SPIDR: variants seen among roughly 807,000 people sequenced by gnomAD.
The protein encoded by SPIDR is scaffold protein involved in DNA repair, also known as DNA repair-scaffolding protein.
Under a neutral mutation model 104.6 loss-of-function variants are expected in SPIDR, and 93 were observed. That is an observed-to-expected ratio of 0.89 (90% CI 0.75 to 1.06). SPIDR has a LOEUF of 1.06. Ranked by LOEUF, SPIDR falls within the 50% of genes least tolerant of loss-of-function variation. SPIDR has a pLI of 0.00. For missense variants in SPIDR, 1,154 were observed against 1,111.2 expected (o/e 1.04, Z -0.55); for synonymous variants, 431 against 416.9 (o/e 1.03, Z -0.41).
intron 8 of SPIDR, among the ~76,000 whole-genome samples, chr8:47,580,817 A>T (rs1042901812): frequency 1.3e-5 from 2 of 152,188 alleles, no homozygotes; most frequent in Non-Finnish European, 2.9e-5. Flanking sequence ...TTTAGTAAAC[A>T]TCTGTTGAGA....
chr8:47,457,370 AT>A (rs1392028060), intron 8 of SPIDR, among the ~76,000 whole-genome samples: 2 of 151,930 alleles, frequency 1.3e-5, no homozygotes, highest in Non-Finnish European at 2.9e-5. Context: ...GATGTTGAGC[AT>A]TTTTTCATAT....
chr8:47,300,724 G>A (rs1431069443), intron 5 of SPIDR, among the ~76,000 whole-genome samples: 1 of 152,210 alleles, frequency 6.6e-6, no homozygotes, highest in East Asian at 1.9e-4. Context: ...TCATTCAGGA[G>A]CAGATTGTCC....
intron 7 of SPIDR, among the ~76,000 whole-genome samples, chr8:47,410,366 A>C (rs1410671960): frequency 6.6e-6 from 1 of 151,680 alleles, no homozygotes; most frequent in Admixed American, 6.6e-5. Flanking sequence ...TTTTTAGTTG[A>C]GATGGGGTTT....
intron 10 of SPIDR, among the ~76,000 whole-genome samples, chr8:47,642,288 C>T (rs1435829511): frequency 1.3e-5 from 2 of 151,782 alleles, no homozygotes; most frequent in Non-Finnish European, 2.9e-5. Context: ...TGGTGGTGGG[C>T]GCCTGTAGTC....
chr8:47,584,220 C>T (rs1021193561), intron 8 of SPIDR, among the ~76,000 whole-genome samples: 4 of 152,160 alleles, frequency 2.6e-5, no homozygotes, highest in African/African-American at 9.7e-5. Context: ...TTCAGATTCC[C>T]TAATTCAGAA....
At chr8:47,597,885 A>T (rs1313991048) in intron 9 of SPIDR, among the ~76,000 whole-genome samples, 1 of 152,272 alleles carries the variant, frequency 6.6e-6, no homozygotes, top group South Asian at 2.1e-4. Context: ...TGGCCTCAAG[A>T]TCTCTGGGTT....
At chr8:47,626,629 A>G (rs1008034372) in intron 10 of SPIDR, among the ~76,000 whole-genome samples, 1 of 152,248 alleles carries the variant, frequency 6.6e-6, no homozygotes, top group Non-Finnish European at 1.5e-5. Flanking sequence ...CAGAAAACAC[A>G]TGAAAAAATG....
intron 10 of SPIDR, among the ~76,000 whole-genome samples, chr8:47,602,110 T>C (rs2062373132): frequency 6.6e-6 from 1 of 152,244 alleles, no homozygotes; most frequent in South Asian, 2.1e-4. Flanking sequence ...TTTATACATG[T>C]ACATGTAGCA....
At chr8:47,633,883 C>T (rs1246797406) in intron 10 of SPIDR, among the ~76,000 whole-genome samples, 3 of 151,696 alleles carry the variant, frequency 2.0e-5, no homozygotes, top group East Asian at 2.0e-4. Context: ...TGCTTGAGCC[C>T]GGGGTTCAGA....
chr8:47,553,083 A>G (rs1313793500), intron 8 of SPIDR, among the ~76,000 whole-genome samples: 2 of 152,188 alleles, frequency 1.3e-5, no homozygotes, highest in Non-Finnish European at 2.9e-5. Flanking sequence ...AATGTTGAAT[A>G]TCGGCCCCCA....
Position 47,347,770 on chromosome 8 carries a change from C to T in SPIDR, c.526-48606C>T, listed in dbSNP as rs200614372. Among the ~76,000 whole-genome samples the T allele has an allele frequency of 1.1e-4, 17 of 152,166 alleles. No individual in the cohort carries two copies. In the East Asian group the frequency reaches 1.9e-3, roughly 17 times the overall value. ...TTTTATCAGACTAGGATTGCAACCC[C>T]TGCTTTTTTTTGTTTGTTTTCCGTT... On this transcript the variant is annotated intron_variant, in intron 5 of 19. Coordinates refer to ENST00000297423, the MANE Select transcript of SPIDR (RefSeq NM_001080394.4).
chr8:47,510,622 G>A (rs1238819412), intron 8 of SPIDR, among the ~76,000 whole-genome samples: 1 of 151,926 alleles, frequency 6.6e-6, no homozygotes, highest in Non-Finnish European at 1.5e-5. Flanking sequence ...TGTGTATAAT[G>A]TAGTTGCACA....
At chr8:47,388,547 G>T (rs1554649632) in intron 5 of SPIDR, 1 of 154,152 alleles carries the variant, frequency 6.5e-6, no homozygotes, top group African/African-American at 2.4e-5. Context: ...TGTCATTAGT[G>T]TAGCTTAACT....
intron 10 of SPIDR, among the ~76,000 whole-genome samples, chr8:47,642,024 C>T (rs537400893): frequency 1.3e-5 from 2 of 152,210 alleles, no homozygotes; most frequent in East Asian, 1.9e-4. Flanking sequence ...ACTCTGCGCA[C>T]GTGTGGGAGC....
Position 47,719,508 on chromosome 8 carries a change from C to CA in SPIDR, c.2341+5879dup, listed in dbSNP as rs1391799802. On this transcript the variant is annotated intron_variant, in intron 16 of 19. Coordinates refer to ENST00000297423, the MANE Select transcript of SPIDR (RefSeq NM_001080394.4). Reference sequence around the variant, plus strand: ...TGGGCGACAGAGCGAGACTCCGTATCAAAAAAAAAAAATAGAAAGCATATA... The same window carrying CA: ...TGGGCGACAGAGCGAGACTCCGTATCAAAAAAAAAAAAATAGAAAGCATATA... Among the ~76,000 whole-genome samples, 513 of 141,570 alleles carry CA rather than the reference C, an allele frequency of 3.6e-3. 6 individuals carry two copies. Among genetic ancestry groups the CA allele is most frequent in the Admixed American group, 0.028 (395 of 14,198 alleles). The allele number at this position is 141,570 out of a possible 152,430, so 92.9% of individuals were successfully genotyped here. A position where few individuals can be genotyped will look rare whatever the true frequency, so the allele number is the denominator to read the frequency against.
At chr8:47,411,319 C>T (rs2063493262) in intron 7 of SPIDR, among the ~76,000 whole-genome samples, 1 of 152,198 alleles carries the variant, frequency 6.6e-6, no homozygotes, top group African/African-American at 2.4e-5. Context: ...TCTCCAGCAC[C>T]CGTTGTTTCC....
intron 8 of SPIDR, among the ~76,000 whole-genome samples, chr8:47,552,875 G>T (rs1353576276): frequency 2.0e-5 from 3 of 152,096 alleles, no homozygotes; most frequent in Non-Finnish European, 4.4e-5. Flanking sequence ...TTACAATTTG[G>T]CATGTTTTTG....
chr8:47,383,819 C>A (rs1294005732), intron 5 of SPIDR, among the ~76,000 whole-genome samples: 4 of 152,042 alleles, frequency 2.6e-5, no homozygotes, highest in African/African-American at 7.2e-5. Flanking sequence ...TAACTATAAT[C>A]TTTATAATTA....
chr8:47,279,831 TCGA>T lies in SPIDR; in HGVS notation c.34-30_34-28del. 5 of 1,574,114 alleles carry T rather than the reference TCGA, an allele frequency of 3.2e-6. No homozygotes were observed. In the Admixed American group the frequency reaches 7.6e-5, roughly 24 times the overall value. On this transcript the variant is annotated intron_variant, in intron 1 of 19. Transcript: ENST00000297423. The stretch of plus-strand genomic sequence containing the variant: ...ATGAAGTTGATTTTGTTTTTTTGTT[TCGA>T]TTTTTCTTTTAAAAATCATCTCCAC...
Sources: gnomAD v4.1 joint callset for allele counts (sites outside exome capture counted in the v4.1 genomes callset) on GRCh38, gnomAD v4.1.1 for gene constraint, MANE v1.5 for transcripts, NCBI Gene and HGNC (gene_info 2026-07-23, HGNC 2026-07-21) for gene names.